Variants in ATP2A2 observed in about 807,000 individuals in gnomAD.
The protein encoded by ATP2A2 is ATPase sarcoplasmic/endoplasmic reticulum Ca2+ transporting 2.
In ATP2A2, 14 loss-of-function variants were observed where a neutral mutation model predicts 109.3. That is an observed-to-expected ratio of 0.13 (90% confidence interval 0.08 to 0.20). The LOEUF is 0.20. Ranked by LOEUF, ATP2A2 falls within the 10% of genes least tolerant of loss-of-function variation. The pLI is 1.00. For missense variants in ATP2A2, 657 were observed against 1,321.6 expected (o/e 0.50, Z 7.80); for synonymous variants, 506 against 490.9 (o/e 1.03, Z -0.41).
At position 110,323,020 on chromosome 12, in the gene ATP2A2, G is replaced by A. The variant is rs2137803039; in HGVS notation, c.492G>A (p.Arg164=). ...AVGDKVPADI[R]LTSIKSTTLR... is the part of the protein sequence containing the mutation. ...GTGACAAAGTTCCTGCTGATATAAG[G>A]TTAACTTCCATCAAATCTACCACAC... The change falls in exon 6 of 20, where the codon AGG becomes AGA. Residue 164 remains arginine, a synonymous_variant. Coordinates refer to ENST00000539276, the MANE Select transcript of ATP2A2 (RefSeq NM_170665.4). 2.5e-6 allele frequency: 4 copies of A among 1,613,336 alleles called. No homozygotes were observed. Among genetic ancestry groups the A allele is most frequent in the East Asian group, 2.2e-5 (1 of 44,854 alleles).
chr12:110,342,100 TA>T lies in ATP2A2; in HGVS notation c.2098-124del. 2 of 1,070,526 alleles carry T rather than the reference TA, an allele frequency of 1.9e-6. No homozygotes were observed. The highest frequency in any genetic ancestry group is 2.8e-6 in the Non-Finnish European group (2 of 708,478). The allele number at this position is 1,070,526 out of a possible 1,614,324, so 66.3% of individuals were successfully genotyped here. On this transcript the variant is annotated intron_variant, in intron 14 of 19. Coordinates refer to ENST00000539276, the MANE Select transcript of ATP2A2 (RefSeq NM_170665.4). This position sits in a 1 kb window ranked among gnomAD's most constrained non-coding sequence, Gnocchi z 4.6. ...ACACCAACTTATGAAACAAAAATTC[TA>T]AAACTCTTTGCCAAGAGACCTACGG...
In ATP2A2 at chr12:110,327,799, A is replaced by G. The variant is rs776134017; in HGVS notation, c.877A>G (p.Ile293Val). Residue 293 changes from isoleucine to valine, a missense_variant, in exon 8 of 20, where the codon ATT (isoleucine) becomes GTT (valine). By Grantham distance (29) the Ile-to-Val change is conservative. Coordinates refer to ENST00000539276, the MANE Select transcript of ATP2A2 (RefSeq NM_170665.4). This position sits in a 1 kb window ranked among gnomAD's most constrained non-coding sequence, Gnocchi z 4.4. ...VHGGSWIRGA[I>V]YYFKIAVALA... is the part of the protein sequence containing the mutation. ...TGGAGGGTCCTGGATCAGAGGTGCTATTTACTACTTTAAAATTGCAGTGGC... is the reference window on the plus strand; with the variant it reads ...TGGAGGGTCCTGGATCAGAGGTGCTGTTTACTACTTTAAAATTGCAGTGGC... The G allele has an allele frequency of 6.2e-7, 1 of 1,614,114 alleles. No individual in the cohort carries two copies. The highest frequency in any genetic ancestry group is 8.5e-7 in the Non-Finnish European group (1 of 1,180,018).
In ATP2A2 at chr12:110,347,534, T is replaced by C; in HGVS notation, c.*1064T>C. Reference sequence around the variant, plus strand: ...ATGTACATTTTATGCAAGTTTCTGCTGGCCTGGTATAGAGAACATAAGGGC... The same window carrying C: ...ATGTACATTTTATGCAAGTTTCTGCCGGCCTGGTATAGAGAACATAAGGGC... On this transcript the variant is annotated 3_prime_UTR_variant, in exon 20 of 20. Coordinates refer to ENST00000539276, the MANE Select transcript of ATP2A2 (RefSeq NM_170665.4). 2.3e-6 allele frequency: 3 copies of C among 1,288,598 alleles called. No homozygotes were observed. Among genetic ancestry groups the C allele is most frequent in the Non-Finnish European group, 3.0e-6 (3 of 988,204 alleles). The allele number at this position is 1,288,598 out of a possible 1,614,324, so 79.8% of individuals were successfully genotyped here.
At chr12:110,344,863 A>G in intron 16 of ATP2A2, 23 bp from the exon 17 acceptor site, 2 of 1,611,996 alleles carry the variant, frequency 1.2e-6, no homozygotes, top group South Asian at 2.2e-5. Context: ...CAAGTGCATC[A>G]GCATCACTGT....
rs980945153 is a variant in ATP2A2 at position 110,347,682 on chromosome 12, C to T, written c.*1212C>T. 6.5e-5 allele frequency: 76 copies of T among 1,169,568 alleles called. No homozygotes were observed. The highest frequency in any genetic ancestry group is 3.3e-4 in the Admixed American group (9 of 27,038). The allele number at this position is 1,169,568 out of a possible 1,614,324, so 72.4% of individuals were successfully genotyped here. ...GCACTAACCACCACCACCGTTACTACGATCAATGTTTGCGCATGTTCGAGA... is the reference window on the plus strand; with the variant it reads ...GCACTAACCACCACCACCGTTACTATGATCAATGTTTGCGCATGTTCGAGA... On this transcript the variant is annotated 3_prime_UTR_variant, in exon 20 of 20. Coordinates refer to ENST00000539276, the MANE Select transcript of ATP2A2 (RefSeq NM_170665.4).
At chr12:110,324,847 A>G (rs1360666130) in intron 6 of ATP2A2, among the ~76,000 whole-genome samples, 4 of 149,762 alleles carry the variant, frequency 2.7e-5, no homozygotes, top group African/African-American at 7.4e-5. Flanking sequence ...TTTTTTTTTA[A>G]AGACAGAGTT....
intron 5 of ATP2A2, among the ~76,000 whole-genome samples, chr12:110,314,947 A>G (rs1163408124): frequency 2.0e-5 from 3 of 151,644 alleles, no homozygotes; most frequent in Non-Finnish European, 4.4e-5. Flanking sequence ...GCTCACTGCA[A>G]GCTCCGCCTC....
intron 3 of ATP2A2, among the ~76,000 whole-genome samples, chr12:110,286,475 G>A (rs1172296802): frequency 1.3e-5 from 2 of 152,158 alleles, no homozygotes; most frequent in Admixed American, 6.6e-5. Context: ...GACTTGAAAG[G>A]TGGATTTAAT....
rs770289284 is a variant in ATP2A2 at position 110,344,981 on chromosome 12, C to T, written c.2607+10C>T. On this transcript the variant is annotated intron_variant, in intron 17 of 19. Transcript: ENST00000539276. Reference sequence around the variant, plus strand: ...GTCCTTCTACCAGCTGGTACTCAGTCACCTTTCTTTCTGTACCTTACATGA... The same window carrying T: ...GTCCTTCTACCAGCTGGTACTCAGTTACCTTTCTTTCTGTACCTTACATGA... 2 of 1,613,460 alleles carry T rather than the reference C, an allele frequency of 1.2e-6. No homozygotes were observed. Among genetic ancestry groups the T allele is most frequent in the South Asian group, 2.2e-5 (2 of 91,022 alleles).
intron 5 of ATP2A2, among the ~76,000 whole-genome samples, chr12:110,306,132 G>A (rs539343236): frequency 4.6e-5 from 7 of 152,162 alleles, no homozygotes; most frequent in African/African-American, 1.4e-4. Flanking sequence ...TCCGCCTCTC[G>A]GGTTCACGCC....
In ATP2A2 at chr12:110,349,934, C is replaced by G. The variant is rs1880245724; in HGVS notation, c.*3464C>G. 5 of 1,168,638 alleles carry G rather than the reference C, an allele frequency of 4.3e-6. No homozygotes were observed. The highest frequency in any genetic ancestry group is 5.3e-6 in the Non-Finnish European group (5 of 939,534). 72.4% of individuals were successfully genotyped at this position (1,168,638 alleles called of 1,614,324 possible). ...AGGCTGTGCTGCTACTGGCTGCTCA[C>G]TTCTCCATCAACCTCACCCTCTGCA... On this transcript the variant is annotated 3_prime_UTR_variant, in exon 20 of 20. Coordinates refer to ENST00000539276, the MANE Select transcript of ATP2A2 (RefSeq NM_170665.4).
chr12:110,302,552 GCT>G (rs958971982), intron 5 of ATP2A2, among the ~76,000 whole-genome samples: 6 of 149,950 alleles, frequency 4.0e-5, no homozygotes, highest in African/African-American at 1.5e-4. Context: ...TTGACGTTGG[GCT>G]CTGTTTTTCT....
intron 16 of ATP2A2, 71 bp downstream of exon 16, chr12:110,343,505 C>G (rs1163598494): frequency 1.3e-6 from 2 of 1,551,552 alleles, no homozygotes; most frequent in African/African-American, 2.7e-5. Context: ...GTAAATTCAT[C>G]CCTTAAAAGC....
At chr12:110,328,717 C>A (rs1198949338) in intron 8 of ATP2A2, among the ~76,000 whole-genome samples, 1 of 152,142 alleles carries the variant, frequency 6.6e-6, no homozygotes, top group Non-Finnish European at 1.5e-5. Flanking sequence ...AAGTGCATGC[C>A]ACCATGCCCC....
chr12:110,332,720 T>G, intron 9 of ATP2A2, 35 bp downstream of exon 9: 1 of 1,522,176 alleles, frequency 6.6e-7, no homozygotes, highest in Non-Finnish European at 9.1e-7. Context: ...AAGGATCTGG[T>G]GTGGCAGTTT....
intron 5 of ATP2A2, among the ~76,000 whole-genome samples, chr12:110,321,898 G>A (rs1877282365): frequency 6.6e-6 from 1 of 152,216 alleles, no homozygotes; most frequent in South Asian, 2.1e-4. Flanking sequence ...CCTTTTAAGA[G>A]CTATTAAAGT....
chr12:110,295,627 T>G (rs1434740935), intron 4 of ATP2A2, among the ~76,000 whole-genome samples: 1 of 152,190 alleles, frequency 6.6e-6, no homozygotes, highest in African/African-American at 2.4e-5. Flanking sequence ...TTTTTATACT[T>G]TTTCTGGGGT....
chr12:110,329,200 T>C (rs1337846615), intron 8 of ATP2A2, among the ~76,000 whole-genome samples: 1 of 152,194 alleles, frequency 6.6e-6, no homozygotes, highest in Non-Finnish European at 1.5e-5. Context: ...ATAAATGATA[T>C]GTAAATAGTT....
At chr12:110,326,680 A>G (rs1320332414) in intron 7 of ATP2A2, among the ~76,000 whole-genome samples, 1 of 152,252 alleles carries the variant, frequency 6.6e-6, no homozygotes, top group Non-Finnish European at 1.5e-5. Context: ...GGACCAAAAA[A>G]TAATGACTAG....
Sources: gnomAD v4.1 joint callset for allele counts (sites outside exome capture counted in the v4.1 genomes callset) on GRCh38, gnomAD v4.1.1 for gene constraint, Gnocchi (gnomAD v3.1) non-coding constraint, MANE v1.5 for transcripts, NCBI Gene and HGNC (gene_info 2026-07-23, HGNC 2026-07-21) for gene names.